The following IGSF9B variants were observed in gnomAD, a reference collection of about 807,000 sequenced individuals.
The protein encoded by IGSF9B is protein turtle homolog B.
A neutral mutation model predicts 143.7 loss-of-function variants in IGSF9B; 48 were observed. The ratio of observed to expected loss-of-function variants is 0.33; its 90% CI spans 0.26 to 0.42. IGSF9B has a LOEUF of 0.42. Ranked by LOEUF, IGSF9B falls within the 20% of genes least tolerant of loss-of-function variation. The pLI, the probability that IGSF9B is intolerant of heterozygous loss-of-function variation, is 1.00. For synonymous variants in IGSF9B, 903 were observed against 833.1 expected (o/e 1.08, Z -1.44); for missense variants, 1,706 against 1,980.0 (o/e 0.86, Z 2.63).
rs767286232 is a variant in IGSF9B, at chr11:133,937,856, G to A, written c.515C>T (p.Thr172Ile). The A allele has an allele frequency of 2.5e-6, 4 of 1,611,356 alleles. No individual in the cohort carries two copies. The stretch of plus-strand genomic sequence containing the variant: ...GAGGAGCGTCCCCTCCTTGAGCCAG[G>A]TGACAATGGGCTTGGGGTTCCCAAA... ...TAFGNPKPIV[T>I]WLKEGTLLGA... Residue 172 changes from threonine (T) to isoleucine (I), a missense_variant, in exon 4 of 20, where the codon ACC (threonine) becomes ATC (isoleucine). Thr to Ile is a moderately conservative substitution (Grantham distance 89). This residue lies in a region of IGSF9B where 238 missense variants were observed against 452.6 expected (regional missense o/e 0.53). Coordinates refer to ENST00000533871, the MANE Select transcript of IGSF9B (RefSeq NM_001277285.4).
In IGSF9B at chr11:133,920,452, G is replaced by A. The variant is rs762900884; in HGVS notation, c.3273C>T (p.Tyr1091=). Residue 1091 remains tyrosine, a synonymous_variant, in exon 18 of 20, where the codon TAC becomes TAT. Transcript: ENST00000533871. Reference sequence around the variant, plus strand: ...GTGCCTCCAGAGACAGGATGCCCGGGTAGGCCGCGGGCACCTGCAGGGAGG... The same window carrying A: ...GTGCCTCCAGAGACAGGATGCCCGGATAGGCCGCGGGCACCTGCAGGGAGG... ...PPTSLQVPAA[Y]PGILSLEAPK... The A allele has an allele frequency of 2.6e-6, 4 of 1,566,910 alleles. No homozygotes were observed. The South Asian group carries it at 3.5e-5, about 14-fold the overall frequency.
Position 133,898,587 on chromosome 11 carries a change from C to T in IGSF9B, c.*10482G>A, listed in dbSNP as rs1384221128. ...CTGCGCCCCCTTCTGGGCCCTCTAT[C>T]CCCAGCCCCACACCTGGCAGTTAGG... is the stretch of plus-strand genomic sequence containing the variant. On this transcript the variant is annotated 3_prime_UTR_variant, in exon 20 of 20. Transcript: ENST00000533871. The T allele has an allele frequency of 6.5e-6, 1 of 154,378 alleles. No homozygotes were observed. 9.6% of individuals were successfully genotyped at this position (154,378 alleles called of 1,614,324 possible).
rs1939168540 is a variant in IGSF9B, at chr11:133,903,277, C to G, written c.*5792G>C. ...GGCAGGCCCAGGCAGCCATTCACGT[C>G]CCCATCTAGTGTGATGGGAATGGTG... On this transcript the variant is annotated 3_prime_UTR_variant, in exon 20 of 20. Transcript: ENST00000533871. Among the ~76,000 whole-genome samples the G allele has an allele frequency of 6.6e-6, 1 of 152,060 alleles. No homozygotes were observed. The highest frequency in any genetic ancestry group is 2.4e-5 in the African/African-American group (1 of 41,382).
Position 133,908,188 on chromosome 11 carries a change from G to A in IGSF9B, c.*881C>T, listed in dbSNP as rs1939240509. Among the ~76,000 whole-genome samples the A allele has an allele frequency of 6.6e-6, 1 of 152,210 alleles. No homozygotes were observed. The highest frequency in any genetic ancestry group is 1.9e-4 in the East Asian group (1 of 5,162). On this transcript the variant is annotated 3_prime_UTR_variant, in exon 20 of 20. Coordinates refer to ENST00000533871, the MANE Select transcript of IGSF9B (RefSeq NM_001277285.4). ...CACCAGAGGCTTGCTTTAGCCCCGCGGCTGAGTTAGCCTCTACTCCTGCAG... is the reference window on the plus strand; with the variant it reads ...CACCAGAGGCTTGCTTTAGCCCCGCAGCTGAGTTAGCCTCTACTCCTGCAG...
In IGSF9B at chr11:133,926,795, G is replaced by A. The variant is rs1289374302; in HGVS notation, c.1807+121C>T. On this transcript the variant is annotated intron_variant, in intron 13 of 19. Coordinates refer to ENST00000533871, the MANE Select transcript of IGSF9B (RefSeq NM_001277285.4). ...TCCTCACGGGGAGATCAGATGGCAC[G>A]GCTCTGTGGAGCACTCAGCAAGGTA... 65 of 754,986 alleles carry A rather than the reference G, an allele frequency of 8.6e-5. No homozygotes were observed. The Admixed American group carries it at 1.5e-3, about 17-fold the overall frequency. The allele number at this position is 754,986 out of a possible 1,614,324, so 46.8% of individuals were successfully genotyped here. A position where few individuals can be genotyped will look rare whatever the true frequency, so the allele number is the denominator to read the frequency against.
intron 15 of IGSF9B, among the ~76,000 whole-genome samples, chr11:133,923,488 C>G (rs1022336169): frequency 1.3e-5 from 2 of 152,158 alleles, no homozygotes; most frequent in Non-Finnish European, 2.9e-5. Context: ...CTACAGAGCT[C>G]GTTATGACCG....
intron 12 of IGSF9B, 95 bp from the exon 13 acceptor site, chr11:133,927,186 C>T: frequency 1.0e-6 from 1 of 982,968 alleles, no homozygotes; most frequent in Non-Finnish European, 1.5e-6. Flanking sequence ...GGAGAAGGCA[C>T]TGGTGGGCCT....
rs541778125 is a variant in IGSF9B, at chr11:133,908,994, ACACACCCC to A, written c.*67_*74del. 2.6e-4 allele frequency: 327 copies of A among 1,273,244 alleles called. 1 individual carries two copies. The African/African-American group carries it at 2.7e-3, about 10-fold the overall frequency. 78.9% of individuals were successfully genotyped at this position (1,273,244 alleles called of 1,614,324 possible). ...GGCCGCCCTTGGCAGACGGAGGAGGACACACCCCCACACAGTGGCCCTCCCTGCCTGAG... is the reference window on the plus strand; with the variant it reads ...GGCCGCCCTTGGCAGACGGAGGAGGACACACAGTGGCCCTCCCTGCCTGAG... On this transcript the variant is annotated 3_prime_UTR_variant, in exon 20 of 20. Coordinates refer to ENST00000533871, the MANE Select transcript of IGSF9B (RefSeq NM_001277285.4).
In IGSF9B at chr11:133,931,160, G is replaced by C; in HGVS notation, c.1369-26C>G. 1.2e-6 allele frequency: 2 copies of C among 1,601,074 alleles called. No individual in the cohort carries two copies. Among genetic ancestry groups the C allele is most frequent in the Non-Finnish European group, 1.7e-6 (2 of 1,172,026 alleles). Reference sequence around the variant, plus strand: ...CTTGGTGAACAAGGGGCAGGGAAGAGGGTGGGAACAGAAATGGGGGTTAGG... The same window carrying C: ...CTTGGTGAACAAGGGGCAGGGAAGACGGTGGGAACAGAAATGGGGGTTAGG... On this transcript the variant is annotated intron_variant, in intron 10 of 19. Transcript: ENST00000533871. This position sits in a 1 kb window ranked among gnomAD's most constrained non-coding sequence, Gnocchi z 7.7.
intron 1 of IGSF9B, 170 bp from the exon 2 acceptor site, chr11:133,946,428 G>C (rs1034135959): frequency 3.2e-6 from 2 of 617,098 alleles, no homozygotes; most frequent in Non-Finnish European, 5.7e-6. Flanking sequence ...TCTCCCCCTC[G>C]CTGCTCATAC....
chr11:133,941,048 C>G (rs1939947999), intron 3 of IGSF9B, among the ~76,000 whole-genome samples: 1 of 152,166 alleles, frequency 6.6e-6, no homozygotes, highest in African/African-American at 2.4e-5. Flanking sequence ...AATTTACATC[C>G]TGAAGTGACA....
rs1939036780 is a variant in IGSF9B, at chr11:133,897,356, GCACACACGCACACGCA to G, written c.*11697_*11712del. 6.6e-6 allele frequency: 1 copy of G among 151,090 alleles called. No individual in the cohort carries two copies. Among genetic ancestry groups the G allele is most frequent in the Non-Finnish European group, 1.5e-5 (1 of 67,360 alleles). The allele number at this position is 151,090 out of a possible 1,614,324, so 9.4% of individuals were successfully genotyped here. ...CTCTCCCGCTCTCACTCTCTTGCGT[GCACACACGCACACGCA>G]CACACACGCACAGGTATGCACACAT... On this transcript the variant is annotated 3_prime_UTR_variant, in exon 20 of 20. Coordinates refer to ENST00000533871, the MANE Select transcript of IGSF9B (RefSeq NM_001277285.4).
At chr11:133,916,167 A>G (rs1939378191) in intron 18 of IGSF9B, among the ~76,000 whole-genome samples, 1 of 152,092 alleles carries the variant, frequency 6.6e-6, no homozygotes, top group Non-Finnish European at 1.5e-5. Flanking sequence ...CTAGGCTCAG[A>G]CAGGAGCTAA....
chr11:133,926,048 G>C (rs1939620108), intron 13 of IGSF9B, 83 bp from the exon 14 acceptor site: 4 of 1,015,834 alleles, frequency 3.9e-6, no homozygotes, highest in Non-Finnish European at 6.0e-6. Flanking sequence ...CTGTGCACAT[G>C]TCAGGGCCCA....
chr11:133,944,097 G>A, intron 3 of IGSF9B, 123 bp downstream of exon 3: 1 of 1,068,798 alleles, frequency 9.4e-7, no homozygotes, highest in South Asian at 1.6e-5. Context: ...ACAGCAACAA[G>A]GAGGGGGGCA....
Position 133,909,102 on chromosome 11 carries a change from G to A in IGSF9B, c.4281C>T (p.Asp1427=), listed in dbSNP as rs1333502613. Reference sequence around the variant, plus strand: ...AAGTGGCATGTCCTGGGTCATCGTGGTCCACACTGTTGAGAATCGCTGTCT... The same window carrying A: ...AAGTGGCATGTCCTGGGTCATCGTGATCCACACTGTTGAGAATCGCTGTCT... The part of the protein sequence containing the change: ...EDQTAILNSV[D]HDDPGHATLL Residue 1427 remains aspartate (D), a synonymous_variant, in exon 20 of 20, where the codon GAC becomes GAT. Transcript: ENST00000533871. This position sits in a 1 kb window ranked among gnomAD's most constrained non-coding sequence, Gnocchi z 4.2. 1.3e-6 allele frequency: 2 copies of A among 1,535,816 alleles called. No homozygotes were observed. Among genetic ancestry groups the A allele is most frequent in the Non-Finnish European group, 1.7e-6 (2 of 1,146,762 alleles).
rs561079356 is a variant in IGSF9B at position 133,904,824 on chromosome 11, A to G, written c.*4245T>C. On this transcript the variant is annotated 3_prime_UTR_variant, in exon 20 of 20. Transcript: ENST00000533871. ...CTCCCCTCCACCCTCCAGTTCTCCAACTCCCCCTCCTGAAACACCAGTGCC... is the reference window on the plus strand; with the variant it reads ...CTCCCCTCCACCCTCCAGTTCTCCAGCTCCCCCTCCTGAAACACCAGTGCC... Among the ~76,000 whole-genome samples the G allele has an allele frequency of 8.1e-5, 12 of 148,004 alleles. No homozygotes were observed. The highest frequency in any genetic ancestry group is 2.8e-4 in the African/African-American group (11 of 39,922).
Position 133,921,085 on chromosome 11 carries a change from G to A in IGSF9B, c.2640C>T (p.Ala880=), listed in dbSNP as rs114264751. Residue 880 remains alanine (A), a synonymous_variant, in exon 18 of 20, where the codon GCC becomes GCT. Coordinates refer to ENST00000533871, the MANE Select transcript of IGSF9B (RefSeq NM_001277285.4). ...KSRRIEGFPF[A]EETDMYPEFR... ...ACTCGGGGTACATGTCCGTCTCCTC[G>A]GCGAAGGGGAAGCCCTCGATGCGCC... 5.9e-4 allele frequency: 948 copies of A among 1,613,832 alleles called. 4 individuals carry two copies. In the African/African-American group the frequency reaches 0.01, roughly 18 times the overall value.
chr11:133,935,875 T>C (rs1319248484), intron 6 of IGSF9B, 113 bp from the exon 7 acceptor site: 1 of 1,426,728 alleles, frequency 7.0e-7, no homozygotes, highest in Non-Finnish European at 9.5e-7. Flanking sequence ...GCCCCTGGCA[T>C]CCCCAGGGCC....
Sources: allele counts gnomAD v4.1 joint callset (sites outside exome capture counted in the v4.1 genomes callset), GRCh38; gene constraint gnomAD v4.1.1; regional missense constraint gnomAD v4.1.1; non-coding constraint Gnocchi (gnomAD v3.1); transcripts MANE v1.5; gene names NCBI Gene and HGNC (gene_info 2026-07-23, HGNC 2026-07-21).